Variants in ZC3H3 observed in about 807,000 individuals in gnomAD.
ZC3H3 encodes zinc finger CCCH-type containing 3, also known as zinc finger CCCH domain-containing protein 3.
In ZC3H3, 36 loss-of-function variants were observed where a neutral mutation model predicts 77.3. That is an observed-to-expected ratio of 0.47 (90% confidence interval 0.36 to 0.61). The LOEUF (loss-of-function observed/expected upper bound fraction) is 0.61. ZC3H3 is among the 20% of genes least tolerant of loss of function. The probability of loss-of-function intolerance (pLI) is 0.00; values close to 1 mark genes in which losing one functional copy is unlikely to be tolerated. For missense variants in ZC3H3, 1,331 were observed against 1,312.2 expected, an observed-to-expected ratio of 1.01 and a Z score of -0.22; for synonymous variants, 626 against 555.2, an observed-to-expected ratio of 1.13 and a Z score of -1.79.
intron 5 of ZC3H3, among the ~76,000 whole-genome samples, chr8:143,472,231 C>T (rs1041092353): frequency 6.6e-6 from 1 of 152,232 alleles, no homozygotes; most frequent in Non-Finnish European, 1.5e-5. Context: ...GTGAGACATG[C>T]CCCAGAAGGG....
intron 4 of ZC3H3, among the ~76,000 whole-genome samples, chr8:143,479,341 C>A (rs944875291): frequency 2.0e-5 from 3 of 152,154 alleles, no homozygotes; most frequent in Non-Finnish European, 2.9e-5. Context: ...AGAGGATGGC[C>A]TTTGGAAACG....
chr8:143,511,441 T>C (rs574263186), intron 3 of ZC3H3, among the ~76,000 whole-genome samples: 1 of 152,304 alleles, frequency 6.6e-6, no homozygotes, highest in Admixed American at 6.5e-5. Flanking sequence ...GTTGCTAATT[T>C]CACAATTGGT....
At chr8:143,505,485 G>A (rs182369135) in intron 4 of ZC3H3, among the ~76,000 whole-genome samples, 19 of 152,296 alleles carry the variant, frequency 1.2e-4, no homozygotes, top group African/African-American at 4.3e-4. Context: ...GACCCTGGGC[G>A]AGGCAGGCCC....
chr8:143,508,514 TAAC>T (rs2130424815), intron 3 of ZC3H3, among the ~76,000 whole-genome samples: 1 of 152,368 alleles, frequency 6.6e-6, no homozygotes, highest in South Asian at 2.1e-4. Flanking sequence ...TTCATGCAAT[TAAC>T]AGGAATCTTT....
chr8:143,523,324 C>T (rs1312994626), intron 3 of ZC3H3: 31 of 985,316 alleles, frequency 3.1e-5, no homozygotes, highest in East Asian at 1.1e-4. Context: ...TCACCTGCAG[C>T]GCCAGCGGCT....
At position 143,536,386 on chromosome 8, in the gene ZC3H3, G is replaced by A. The variant is rs376655940; in HGVS notation, c.1432C>T (p.Arg478Trp). Reference protein sequence around the residue: ...ATAKSHLSLRRRQALRGKSSP... With the variant: ...ATAKSHLSLRWRQALRGKSSP... Reference sequence around the variant, plus strand: ...CTCTTCCCCCTGAGGGCCTGTCTCCGCCGGAGGCTGAGGTGGCTCTTGGCG... The same window carrying A: ...CTCTTCCCCCTGAGGGCCTGTCTCCACCGGAGGCTGAGGTGGCTCTTGGCG... Residue 478 changes from arginine to tryptophan, a missense_variant, in exon 3 of 12, where the codon CGG (arginine) becomes TGG (tryptophan). By Grantham distance (101) the Arg-to-Trp change is moderately radical (BLOSUM62 -3). Transcript: ENST00000262577. 117 of 1,582,164 alleles carry A rather than the reference G, an allele frequency of 7.4e-5. No homozygotes were observed. Among genetic ancestry groups the A allele is most frequent in the South Asian group, 1.4e-4 (12 of 87,314 alleles).
chr8:143,468,692 C>G, intron 5 of ZC3H3, 33 bp from the exon 6 acceptor site: 1 of 1,539,708 alleles, frequency 6.5e-7, no homozygotes, highest in Admixed American at 2.1e-5. Context: ...TCATAGCAGG[C>G]CACAGCCTGG....
rs539928786 is a variant in ZC3H3 at position 143,460,249 on chromosome 8, A to AAAAT, written c.2307+5464_2307+5467dup. ...GGCGACAGAGTGAGACTATGTCTCA[A>AAAAT]AAATAAATAAATAAATAAATAAATA... On this transcript the variant is annotated intron_variant, in intron 9 of 11. Coordinates refer to ENST00000262577, the MANE Select transcript of ZC3H3 (RefSeq NM_015117.3). This position sits in a 1 kb window ranked among gnomAD's most constrained non-coding sequence, Gnocchi z 4.0. Among the ~76,000 whole-genome samples, 39,879 of 144,058 alleles carry AAAAT rather than the reference A, an allele frequency of 0.28. 6,315 individuals carry two copies. The highest frequency in any genetic ancestry group is 0.53 in the East Asian group (2,576 of 4,900). 94.5% of individuals were successfully genotyped at this position (144,058 alleles called of 152,430 possible). A position where few individuals can be genotyped will look rare whatever the true frequency, so the allele number is the denominator to read the frequency against.
chr8:143,461,975 C>CTTTTTTT (rs76981079), intron 9 of ZC3H3, among the ~76,000 whole-genome samples: 1 of 140,738 alleles, frequency 7.1e-6, no homozygotes, highest in Non-Finnish European at 1.5e-5. Flanking sequence ...AGTTAAGCTG[C>CTTTTTTT]TTTTTTTTTT....
Position 143,465,808 on chromosome 8 carries a change from TTGCTGC to T in ZC3H3, c.2210_2215del (p.Cys737_Asn739delinsTyr). 1 of 1,613,498 alleles carries T rather than the reference TTGCTGC, an allele frequency of 6.2e-7. No individual in the cohort carries two copies. The highest frequency in any genetic ancestry group is 8.5e-7 in the Non-Finnish European group (1 of 1,180,004). ...CACGTGGCTATAGGGACAGTTGCTGTTGCTGCAGATGCCCTTCAGGAAGTAGGAGCA... is the reference window on the plus strand; with the variant it reads ...CACGTGGCTATAGGGACAGTTGCTGTAGATGCCCTTCAGGAAGTAGGAGCA... On this transcript the variant is annotated inframe_deletion, in exon 9 of 12. Coordinates refer to ENST00000262577, the MANE Select transcript of ZC3H3 (RefSeq NM_015117.3).
rs1369956388 is a variant in ZC3H3 at position 143,494,850 on chromosome 8, T to C, written c.1715+12896A>G. On this transcript the variant is annotated intron_variant, in intron 4 of 11. Coordinates refer to ENST00000262577, the MANE Select transcript of ZC3H3 (RefSeq NM_015117.3). This position sits in a 1 kb window ranked among gnomAD's most constrained non-coding sequence, Gnocchi z 5.3. Reference sequence around the variant, plus strand: ...AACGGGCAAACGGCCTGAGCAGACCTTTCACACGGGAAGACCACCAGTGGC... The same window carrying C: ...AACGGGCAAACGGCCTGAGCAGACCCTTCACACGGGAAGACCACCAGTGGC... Among the ~76,000 whole-genome samples, 1 of 152,122 alleles carries C rather than the reference T, an allele frequency of 6.6e-6. No homozygotes were observed. Among genetic ancestry groups the C allele is most frequent in the African/African-American group, 2.4e-5 (1 of 41,416 alleles).
intron 11 of ZC3H3, 66 bp downstream of exon 11, chr8:143,439,975 C>T (rs567470276): frequency 3.4e-5 from 48 of 1,392,138 alleles, no homozygotes; most frequent in Non-Finnish European, 4.0e-5. Context: ...TGAGCCAGGC[C>T]GTGCTGCCTA....
At chr8:143,456,252 A>G (rs1820119793) in intron 9 of ZC3H3, among the ~76,000 whole-genome samples, 1 of 152,196 alleles carries the variant, frequency 6.6e-6, no homozygotes, top group Non-Finnish European at 1.5e-5. Flanking sequence ...ACAGGGAAAA[A>G]AAGAACTAAT....
At chr8:143,464,379 A>G (rs1586889382) in intron 9 of ZC3H3, among the ~76,000 whole-genome samples, 1 of 152,176 alleles carries the variant, frequency 6.6e-6, no homozygotes, top group Non-Finnish European at 1.5e-5. Flanking sequence ...ACCTCCCCGG[A>G]GGGGATTGCC....
At chr8:143,469,972 A>G (rs903205606) in intron 5 of ZC3H3, among the ~76,000 whole-genome samples, 2 of 152,156 alleles carry the variant, frequency 1.3e-5, no homozygotes, top group African/African-American at 4.8e-5. Context: ...TTAAAAAGGG[A>G]TGTCCCAAAG....
At chr8:143,512,292 G>A (rs1821893778) in intron 3 of ZC3H3, among the ~76,000 whole-genome samples, 1 of 152,252 alleles carries the variant, frequency 6.6e-6, no homozygotes, top group African/African-American at 2.4e-5. Context: ...CACCTTCTTT[G>A]TACACTGCCT....
intron 1 of ZC3H3, among the ~76,000 whole-genome samples, chr8:143,540,317 G>A (rs908311609): frequency 1.3e-5 from 2 of 151,102 alleles, no homozygotes; most frequent in Admixed American, 6.6e-5. Context: ...CACTGCAGCC[G>A]GGACCTCCAG....
intron 3 of ZC3H3, among the ~76,000 whole-genome samples, chr8:143,526,259 C>T (rs1822409439): frequency 1.3e-5 from 2 of 152,196 alleles, no homozygotes; most frequent in African/African-American, 4.8e-5. Flanking sequence ...CCTCGCCAGG[C>T]TGGCCCACCA....
At chr8:143,470,447 CG>C (rs1820532817) in intron 5 of ZC3H3, among the ~76,000 whole-genome samples, 1 of 152,184 alleles carries the variant, frequency 6.6e-6, no homozygotes, top group Non-Finnish European at 1.5e-5. Flanking sequence ...GGGCAGCCCC[CG>C]TTCTCAGGCC....
Sources: gnomAD v4.1 joint callset for allele counts (sites outside exome capture counted in the v4.1 genomes callset) on GRCh38, gnomAD v4.1.1 for gene constraint, Gnocchi (gnomAD v3.1) non-coding constraint, MANE v1.5 for transcripts, NCBI Gene and HGNC (gene_info 2026-07-23, HGNC 2026-07-21) for gene names.